Variants in GLG1 observed in about 807,000 individuals in gnomAD.
The protein encoded by GLG1 is Golgi apparatus protein 1.
A neutral mutation model predicts 160.5 loss-of-function variants in GLG1; 38 were observed. The ratio of observed to expected loss-of-function variants is 0.24; its 90% CI spans 0.18 to 0.31. The LOEUF (loss-of-function observed/expected upper bound fraction) is 0.31, where lower values mean the gene tolerates loss of function less well. Among genes scored for constraint, GLG1 ranks in the 10% least tolerant of loss-of-function variants. The pLI is 1.00. For synonymous variants in GLG1, 644 were observed against 543.4 expected, an observed-to-expected ratio of 1.19 and a Z score of -2.57; for missense variants, 1,373 against 1,505.2, an observed-to-expected ratio of 0.91 and a Z score of 1.45.
chr16:74,603,065 G>C (rs554106719), intron 1 of GLG1, among the ~76,000 whole-genome samples: 89 of 151,756 alleles, frequency 5.9e-4, no homozygotes, highest in African/African-American at 2.1e-3. Flanking sequence ...ACTCCAGCCT[G>C]AGCAACAGGG....
At chr16:74,469,902 G>A (rs908444683) in intron 16 of GLG1, 83 bp downstream of exon 16, 1 of 883,444 alleles carries the variant, frequency 1.1e-6, no homozygotes, top group East Asian at 2.4e-5. Flanking sequence ...GGCAGCAGGA[G>A]GGCTGCCTAA....
intron 15 of GLG1, among the ~76,000 whole-genome samples, chr16:74,470,446 ATTTTTTT>A (rs538522906): frequency 6.4e-5 from 6 of 93,724 alleles, no homozygotes; most frequent in Admixed American, 1.2e-4. Flanking sequence ...TATATTTGTA[ATTTTTTT>A]TTTTTTTTTT....
At chr16:74,489,606 A>G (rs769728109) in intron 8 of GLG1, among the ~76,000 whole-genome samples, 2 of 152,152 alleles carry the variant, frequency 1.3e-5, no homozygotes, top group Non-Finnish European at 2.9e-5. Context: ...ACTGGCACAG[A>G]GGTTTCCCAA....
chr16:74,578,548 T>G (rs562348139), intron 1 of GLG1, among the ~76,000 whole-genome samples: 1 of 152,118 alleles, frequency 6.6e-6, no homozygotes. Context: ...GCTAAAACAG[T>G]TGAAATTGCA....
intron 2 of GLG1, among the ~76,000 whole-genome samples, chr16:74,520,399 G>A (rs1236896631): frequency 2.0e-5 from 3 of 152,174 alleles, no homozygotes; most frequent in Admixed American, 6.5e-5. Context: ...CACTTTGGGA[G>A]GCCGAGGTGT....
chr16:74,490,964 T>C (rs142498832), intron 8 of GLG1, 37 bp downstream of exon 8: 22,869 of 1,419,348 alleles, frequency 0.016, 257 homozygotes, highest in Non-Finnish European at 0.019. Context: ...AGCTGATAAA[T>C]GTGACATTCA....
Position 74,491,218 on chromosome 16 carries a change from AAGTT to A in GLG1, c.1235-7_1235-4del, listed in dbSNP as rs2015971544. On this transcript the variant is annotated splice_polypyrimidine_tract_variant and splice_region_variant and intron_variant, in intron 7 of 25. Coordinates refer to ENST00000422840, the MANE Select transcript of GLG1 (RefSeq NM_001145667.2). Reference sequence around the variant, plus strand: ...GCACTCACTGCTGACTTGTCGCCCTAAGTTAGGATGTAAGTCATAACATTACGAA... The same window carrying A: ...GCACTCACTGCTGACTTGTCGCCCTAAGGATGTAAGTCATAACATTACGAA... 1 of 1,607,974 alleles carries A rather than the reference AAGTT, an allele frequency of 6.2e-7. No homozygotes were observed. Among genetic ancestry groups the A allele is most frequent in the African/African-American group, 1.3e-5 (1 of 74,808 alleles).
At chr16:74,524,753 G>C (rs1272338966) in intron 2 of GLG1, among the ~76,000 whole-genome samples, 1 of 152,110 alleles carries the variant, frequency 6.6e-6, no homozygotes, top group Non-Finnish European at 1.5e-5. Flanking sequence ...AATTTACATT[G>C]TAAAATTCGC....
At chr16:74,579,652 G>A (rs1957894456) in intron 1 of GLG1, among the ~76,000 whole-genome samples, 1 of 151,438 alleles carries the variant, frequency 6.6e-6, no homozygotes, top group Non-Finnish European at 1.5e-5. Context: ...AACCAGGGAG[G>A]CGGAGGTTGC....
intron 2 of GLG1, among the ~76,000 whole-genome samples, chr16:74,509,969 G>A (rs757309898): frequency 2.6e-5 from 4 of 151,746 alleles, no homozygotes; most frequent in Admixed American, 2.6e-4. Context: ...TTACAAGTGC[G>A]AGCCAGCATG....
chr16:74,501,030 T>A (rs1170932719), intron 4 of GLG1, among the ~76,000 whole-genome samples: 3 of 152,192 alleles, frequency 2.0e-5, no homozygotes, highest in Non-Finnish European at 4.4e-5. Context: ...TCAAAGCCAG[T>A]CATAGAAGAG....
chr16:74,496,551 G>C lies in GLG1; in HGVS notation c.868C>G (p.Leu290Val), dbSNP rs1258942956. ...ACCCGGAGAATGGCTTTCTTGCAGA[G>C]TTCAGAAACTTGAATCTTGGGTTCT... ...EREPKIQVSE[L>V]CKKAILRVAE... Residue 290 changes from leucine to valine, a missense_variant, in exon 5 of 26, where the codon CTC (leucine) becomes GTC (valine). Coordinates refer to ENST00000422840, the MANE Select transcript of GLG1 (RefSeq NM_001145667.2). 2 of 1,613,222 alleles carry C rather than the reference G, an allele frequency of 1.2e-6. No homozygotes were observed. The highest frequency in any genetic ancestry group is 2.7e-5 in the African/African-American group (2 of 74,860).
At chr16:74,496,037 G>A (rs1333450262) in intron 5 of GLG1, among the ~76,000 whole-genome samples, 1 of 152,168 alleles carries the variant, frequency 6.6e-6, no homozygotes, top group East Asian at 1.9e-4. Flanking sequence ...GACAGAGGGA[G>A]GAGATCACCT....
chr16:74,518,097 T>A (rs1203659614), intron 2 of GLG1, among the ~76,000 whole-genome samples: 1 of 152,140 alleles, frequency 6.6e-6, no homozygotes, highest in Admixed American at 6.5e-5. Context: ...GATAGAAGAA[T>A]CAATATCGTG....
At chr16:74,539,898 T>G (rs868828096) in intron 1 of GLG1, among the ~76,000 whole-genome samples, 3 of 140,394 alleles carry the variant, frequency 2.1e-5, no homozygotes, top group Admixed American at 1.6e-4. Context: ...ATTTCTCATC[T>G]TCTATGCCCA....
At chr16:74,587,662 T>C (rs910296868) in intron 1 of GLG1, among the ~76,000 whole-genome samples, 1 of 151,984 alleles carries the variant, frequency 6.6e-6, no homozygotes, top group African/African-American at 2.4e-5. Flanking sequence ...GGTCAAGAGA[T>C]CAAGACCATC....
intron 1 of GLG1, among the ~76,000 whole-genome samples, chr16:74,546,257 G>A (rs2018042962): frequency 6.6e-6 from 1 of 152,064 alleles, no homozygotes. Flanking sequence ...TGAGCAACAT[G>A]GCGAAACCCT....
chr16:74,462,258 G>T, intron 21 of GLG1, 63 bp from the exon 22 acceptor site: 1 of 897,424 alleles, frequency 1.1e-6, no homozygotes. Flanking sequence ...TACAAAAGCA[G>T]GACATGAAAA....
At chr16:74,584,477 T>C (rs1958002878) in intron 1 of GLG1, among the ~76,000 whole-genome samples, 2 of 152,210 alleles carry the variant, frequency 1.3e-5, no homozygotes, top group Admixed American at 6.5e-5. Context: ...TATAACACTC[T>C]TACCAATTAG....
Sources: allele counts gnomAD v4.1 joint callset (sites outside exome capture counted in the v4.1 genomes callset), GRCh38; gene constraint gnomAD v4.1.1; transcripts MANE v1.5; gene names NCBI Gene and HGNC (gene_info 2026-07-23, HGNC 2026-07-21).